The following FSHR variants were observed in gnomAD, a reference collection of about 807,000 sequenced individuals.
The protein encoded by FSHR is follicle stimulating hormone receptor, also known as follicle-stimulating hormone receptor.
In FSHR, 46 loss-of-function variants were observed where a neutral mutation model predicts 52.1. The ratio of observed to expected loss-of-function variants is 0.88; its 90% CI spans 0.70 to 1.13. The LOEUF (loss-of-function observed/expected upper bound fraction) is 1.13, where lower values mean the gene tolerates loss of function less well. FSHR is among the 50% of genes most tolerant of loss of function. FSHR has a pLI of 0.00. For missense variants in FSHR, 964 were observed against 834.6 expected (o/e 1.16, Z -1.91); for synonymous variants, 399 against 309.6 (o/e 1.29, Z -3.03).
At chr2:49,130,319 C>T (rs1466264507) in intron 1 of FSHR, among the ~76,000 whole-genome samples, 4 of 152,190 alleles carry the variant, frequency 2.6e-5, no homozygotes, top group Non-Finnish European at 5.9e-5. Flanking sequence ...CTCTGCTCTG[C>T]TCCCATTTTG....
At chr2:49,081,870 A>T (rs1670182083) in intron 1 of FSHR, among the ~76,000 whole-genome samples, 1 of 152,236 alleles carries the variant, frequency 6.6e-6, no homozygotes, top group African/African-American at 2.4e-5. Flanking sequence ...GAACGGTTTA[A>T]AAGATTCCAT....
chr2:48,991,273 C>A (rs868475323), intron 4 of FSHR, among the ~76,000 whole-genome samples: 7 of 152,148 alleles, frequency 4.6e-5, no homozygotes, highest in African/African-American at 1.4e-4. Flanking sequence ...AGAAGCCTAG[C>A]TGTGGGTAAT....
chr2:49,104,455 T>C (rs561285609), intron 1 of FSHR, among the ~76,000 whole-genome samples: 140 of 152,326 alleles, frequency 9.2e-4, no homozygotes, highest in Non-Finnish European at 7.3e-4. Flanking sequence ...CCATTCTGTT[T>C]CCTTTCTGTT....
chr2:49,001,281 A>C (rs1666871890), intron 4 of FSHR, among the ~76,000 whole-genome samples: 1 of 152,134 alleles, frequency 6.6e-6, no homozygotes, highest in South Asian at 2.1e-4. Context: ...TATAGATAAG[A>C]AAACTGAGGC....
chr2:49,011,672 A>G (rs1025576297), intron 4 of FSHR, among the ~76,000 whole-genome samples: 10 of 152,010 alleles, frequency 6.6e-5, no homozygotes, highest in Non-Finnish European at 1.5e-4. Context: ...TAAGGTTCCT[A>G]CTTTTCAGAA....
intron 4 of FSHR, among the ~76,000 whole-genome samples, chr2:49,017,084 T>C (rs963251425): frequency 2.6e-5 from 4 of 152,072 alleles, no homozygotes; most frequent in African/African-American, 9.7e-5. Context: ...ATAAACAAAA[T>C]AAAATGCTGA....
At chr2:49,141,253 T>A (rs1018570405) in intron 1 of FSHR, among the ~76,000 whole-genome samples, 2 of 152,206 alleles carry the variant, frequency 1.3e-5, no homozygotes, top group Admixed American at 1.3e-4. Context: ...TGTTAGGCTG[T>A]TCTTGCATTG....
intron 6 of FSHR, among the ~76,000 whole-genome samples, chr2:48,985,489 C>G (rs960274625): frequency 2.0e-5 from 3 of 152,128 alleles, no homozygotes; most frequent in African/African-American, 7.2e-5. Context: ...GGTGCTTTCC[C>G]CATTCAGGCA....
At chr2:49,151,579 T>C in intron 1 of FSHR, among the ~76,000 whole-genome samples, 1 of 152,100 alleles carries the variant, frequency 6.6e-6, no homozygotes, top group South Asian at 2.1e-4. Context: ...AGGATAAAAA[T>C]GTACATAGTA....
intron 8 of FSHR, among the ~76,000 whole-genome samples, chr2:48,973,700 C>T (rs1233829431): frequency 1.3e-5 from 2 of 152,164 alleles, no homozygotes; most frequent in Non-Finnish European, 2.9e-5. Context: ...TCAGCGGTGC[C>T]TTTCATGTAG....
At chr2:49,106,223 T>G (rs192383489) in intron 1 of FSHR, among the ~76,000 whole-genome samples, 1 of 152,204 alleles carries the variant, frequency 6.6e-6, no homozygotes, top group Non-Finnish European at 1.5e-5. Flanking sequence ...AAGATGACAT[T>G]TGAAGTGCAA....
At chr2:49,046,032 A>G (rs552251266) in intron 2 of FSHR, among the ~76,000 whole-genome samples, 9 of 152,266 alleles carry the variant, frequency 5.9e-5, no homozygotes, top group African/African-American at 2.2e-4. Context: ...ACTCACCTAC[A>G]TGACTTCTTA....
At chr2:49,119,420 A>C (rs1197143751) in intron 1 of FSHR, among the ~76,000 whole-genome samples, 3 of 150,916 alleles carry the variant, frequency 2.0e-5, no homozygotes, top group Admixed American at 6.6e-5. Context: ...CATCCTAGTC[A>C]TTTTTTCCTC....
chr2:49,114,876 C>G (rs934434579), intron 1 of FSHR, among the ~76,000 whole-genome samples: 4 of 151,832 alleles, frequency 2.6e-5, no homozygotes, highest in Admixed American at 2.6e-4. Flanking sequence ...GTGGTAGAAT[C>G]AATGTGGTAT....
rs1558456625 is a variant in FSHR at position 49,127,826 on chromosome 2, CTTCCT to C, written c.152+26435_152+26439del. Among the ~76,000 whole-genome samples the C allele has an allele frequency of 6.1e-4, 28 of 45,786 alleles. 1 individual carries two copies. Among genetic ancestry groups the C allele is most frequent in the African/African-American group, 2.3e-3 (25 of 10,872 alleles). 30.0% of individuals were successfully genotyped at this position (45,786 alleles called of 152,430 possible). On this transcript the variant is annotated intron_variant, in intron 1 of 9. Coordinates refer to ENST00000406846, the MANE Select transcript of FSHR (RefSeq NM_000145.4). ...TCTTCTTCTTCTTCTTCTTCTTCTT[CTTCCT>C]CTTCTTCTTCTTCTTCTTCTTCTTC...
At chr2:49,041,142 G>T (rs1412190739) in intron 2 of FSHR, among the ~76,000 whole-genome samples, 1 of 152,100 alleles carries the variant, frequency 6.6e-6, no homozygotes, top group Admixed American at 6.5e-5. Context: ...TTTTCTTCAG[G>T]CTTCTTTGAA....
chr2:49,083,556 G>A (rs1339733908), intron 1 of FSHR, among the ~76,000 whole-genome samples: 1 of 146,522 alleles, frequency 6.8e-6, no homozygotes, highest in African/African-American at 2.5e-5. Flanking sequence ...TGGCAAATTG[G>A]ATAAAGAGTC....
chr2:49,139,469 A>T (rs1271410307), intron 1 of FSHR, among the ~76,000 whole-genome samples: 4 of 152,262 alleles, frequency 2.6e-5, no homozygotes, highest in Admixed American at 1.3e-4. Flanking sequence ...TTCCAAACCA[A>T]GCTGACCATG....
chr2:49,060,718 C>G (rs1468234695), intron 2 of FSHR, among the ~76,000 whole-genome samples: 2 of 152,162 alleles, frequency 1.3e-5, no homozygotes, highest in South Asian at 2.1e-4. Context: ...TGCCAAATAC[C>G]TCTAGTACCT....
Sources: allele counts gnomAD v4.1 joint callset (sites outside exome capture counted in the v4.1 genomes callset), GRCh38; gene constraint gnomAD v4.1.1; transcripts MANE v1.5; gene names NCBI Gene and HGNC (gene_info 2026-07-23, HGNC 2026-07-21).